Variants in COL6A6 observed in about 807,000 individuals in gnomAD.
The protein encoded by COL6A6 is collagen alpha-6(VI) chain.
A neutral mutation model predicts 208.6 loss-of-function variants in COL6A6; 183 were observed. That is an observed-to-expected ratio of 0.88 (90% CI 0.78 to 0.99). COL6A6 has a LOEUF of 0.99. COL6A6 is among the 50% of genes least tolerant of loss of function. COL6A6 has a pLI of 0.00. For synonymous variants in COL6A6, 973 were observed against 1,011.8 expected (o/e 0.96, Z 0.73); for missense variants, 2,816 against 2,815.2 (o/e 1.00, Z -0.01).
At chr3:130,518,567 C>T (rs904185642) in intron 1 of COL6A6, among the ~76,000 whole-genome samples, 1 of 152,108 alleles carries the variant, frequency 6.6e-6, no homozygotes, top group African/African-American at 2.4e-5. Context: ...GAGTGCAATG[C>T]GCCATCTCAG....
chr3:130,576,644 T>G (rs1174566966), intron 8 of COL6A6, among the ~76,000 whole-genome samples: 1 of 134,214 alleles, frequency 7.5e-6, no homozygotes, highest in Non-Finnish European at 1.6e-5. Flanking sequence ...TAATGAGTTA[T>G]TTTTTAAATA....
intron 32 of COL6A6, among the ~76,000 whole-genome samples, chr3:130,647,592 T>A (rs2065498250): frequency 6.6e-6 from 1 of 152,234 alleles, no homozygotes; most frequent in South Asian, 2.1e-4. Context: ...TTCTCACTGG[T>A]ACTTCTTTTG....
At chr3:130,569,696 A>G (rs1416871364) in intron 6 of COL6A6, among the ~76,000 whole-genome samples, 1 of 152,194 alleles carries the variant, frequency 6.6e-6, no homozygotes, top group African/African-American at 2.4e-5. Flanking sequence ...GACACTGAGT[A>G]ATGTATTCCC....
rs2063083799 is a variant in COL6A6, at chr3:130,568,432, A to G, written c.2229A>G (p.Val743=). The G allele has an allele frequency of 6.2e-7, 1 of 1,614,004 alleles. No homozygotes were observed. The highest frequency in any genetic ancestry group is 8.5e-7 in the Non-Finnish European group (1 of 1,179,882). ...EAQDIVKEPA[V]VLRQEGVIIY... ...AGGACATAGTAAAGGAACCAGCAGT[A>G]GTGCTTCGGCAAGAAGGTGTAATCA... The change falls in exon 6 of 37, where the codon GTA becomes GTG. Residue 743 remains valine, a synonymous_variant. Coordinates refer to ENST00000358511, the MANE Select transcript of COL6A6 (RefSeq NM_001102608.3).
chr3:130,590,274 T>TAC (rs1454177645), intron 12 of COL6A6, among the ~76,000 whole-genome samples: 30 of 19,720 alleles, frequency 1.5e-3, no homozygotes, highest in Non-Finnish European at 1.7e-3. Context: ...TATATATATA[T>TAC]ATATATATAT....
intron 8 of COL6A6, among the ~76,000 whole-genome samples, chr3:130,576,675 T>A (rs919078902): frequency 7.3e-6 from 1 of 137,064 alleles, no homozygotes; most frequent in Non-Finnish European, 1.6e-5. Context: ...CAAAAAAAAA[T>A]AAGAAAAATA....
Position 130,565,018 on chromosome 3 carries a change from ATGT to A in COL6A6, c.690_692del (p.Val231del). ...GCTTGCCAAGGCCCTTCTATGGCCG[ATGT>A]TGTGTTCCTATTGGATATGTCAATC... On this transcript the variant is annotated inframe_deletion, in exon 4 of 37. Coordinates refer to ENST00000358511, the MANE Select transcript of COL6A6 (RefSeq NM_001102608.3). The A allele has an allele frequency of 6.2e-7, 1 of 1,613,664 alleles. No individual in the cohort carries two copies. The highest frequency in any genetic ancestry group is 8.5e-7 in the Non-Finnish European group (1 of 1,179,642).
intron 6 of COL6A6, among the ~76,000 whole-genome samples, chr3:130,569,148 G>T (rs997448931): frequency 8.6e-5 from 13 of 151,760 alleles, no homozygotes; most frequent in African/African-American, 3.1e-4. Flanking sequence ...ATCCTCCTGG[G>T]CAAGGTGGCT....
At chr3:130,610,466 A>G (rs1296813167) in intron 22 of COL6A6, among the ~76,000 whole-genome samples, 183 bp from the exon 23 acceptor site, 5 of 152,174 alleles carry the variant, frequency 3.3e-5, no homozygotes, top group South Asian at 2.1e-4. Context: ...CAGATTGGAC[A>G]TTCATATTCC....
rs370910813 is a variant in COL6A6, at chr3:130,581,519, G to A, written c.3548-42G>A. The stretch of plus-strand genomic sequence containing the variant: ...CATGGTGTCTGAGTTAAATAAAGGC[G>A]TTTGTTGATTTATTAAGACATGCTT... On this transcript the variant is annotated intron_variant, in intron 8 of 36. Transcript: ENST00000358511. 2.3e-4 allele frequency: 322 copies of A among 1,417,644 alleles called. 1 individual carries two copies. Among genetic ancestry groups the A allele is most frequent in the Non-Finnish European group, 2.7e-4 (281 of 1,036,780 alleles). The allele number at this position is 1,417,644 out of a possible 1,614,324, so 87.8% of individuals were successfully genotyped here.
At chr3:130,628,867 A>T (rs1435088237) in intron 26 of COL6A6, among the ~76,000 whole-genome samples, 1 of 111,952 alleles carries the variant, frequency 8.9e-6, no homozygotes, top group Non-Finnish European at 1.6e-5. Flanking sequence ...TAACAACCAG[A>T]AAGGACATCT....
Position 130,568,311 on chromosome 3 carries a change from G to A in COL6A6, c.2108G>A (p.Ser703Asn), listed in dbSNP as rs1228117950. 4 of 1,614,024 alleles carry A rather than the reference G, an allele frequency of 2.5e-6. No homozygotes were observed. Among genetic ancestry groups the A allele is most frequent in the Admixed American group, 3.3e-5 (2 of 60,024 alleles). Reference protein sequence around the residue: ...AHIGQTTLTGSALSFVSQYFS... With the variant: ...AHIGQTTLTGNALSFVSQYFS... ...ATTGGACAAACCACCCTGACTGGTA[G>A]TGCCCTGAGCTTTGTGTCTCAGTAC... is the stretch of plus-strand genomic sequence containing the variant. Residue 703 changes from serine (S) to asparagine (N), a missense_variant, in exon 6 of 37, where the codon AGT (serine) becomes AAT (asparagine). By Grantham distance (46) the Ser-to-Asn change is conservative. Coordinates refer to ENST00000358511, the MANE Select transcript of COL6A6 (RefSeq NM_001102608.3).
Position 130,673,221 on chromosome 3 carries a change from A to AAAAAAAACCC in COL6A6, c.6597-1974_6597-1973insCCCAAAAAAA, listed in dbSNP as rs1553724900. ...AAACAAAAAAAACAAAAAAAACAAA[A>AAAAAAAACCC]AAAAAAAACAAAACCCAAGTGCAAA... On this transcript the variant is annotated intron_variant, in intron 36 of 36. Transcript: ENST00000358511. Among the ~76,000 whole-genome samples the AAAAAAAACCC allele has an allele frequency of 4.6e-4, 54 of 117,064 alleles. 1 individual carries two copies. Among genetic ancestry groups the AAAAAAAACCC allele is most frequent in the Middle Eastern group, 3.5e-3 (1 of 284 alleles). 76.8% of individuals were successfully genotyped at this position (117,064 alleles called of 152,430 possible).
At chr3:130,638,063 A>G (rs1405618917) in intron 28 of COL6A6, among the ~76,000 whole-genome samples, 1 of 151,924 alleles carries the variant, frequency 6.6e-6, no homozygotes, top group Non-Finnish European at 1.5e-5. Context: ...TGTCCCAGGG[A>G]AAAAAAGGAG....
At chr3:130,646,124 C>T (rs1332137937) in intron 32 of COL6A6, among the ~76,000 whole-genome samples, 1 of 151,822 alleles carries the variant, frequency 6.6e-6, no homozygotes, top group East Asian at 1.9e-4. Context: ...TGCACATGTG[C>T]CCTAAAACTT....
chr3:130,610,655 A>G lies in COL6A6; in HGVS notation c.4759A>G (p.Arg1587Gly). The G allele has an allele frequency of 6.3e-7, 1 of 1,589,226 alleles. No homozygotes were observed. The highest frequency in any genetic ancestry group is 1.3e-5 in the African/African-American group (1 of 74,624). The stretch of plus-strand genomic sequence containing the variant: ...TTTAATTCTATGTACTTAGGGCCCA[A>G]GAGGAGAGGCTGGTGTGAAAGGAGA... ...SLGLKGPQGP[R>G]GEAGVKGEKG... The change falls in exon 23 of 37, where the codon AGA becomes GGA. Residue 1587 changes from arginine (R) to glycine (G), a missense_variant. Coordinates refer to ENST00000358511, the MANE Select transcript of COL6A6 (RefSeq NM_001102608.3).
At chr3:130,626,358 C>T (rs953876856) in intron 24 of COL6A6, 127 bp from the exon 25 acceptor site, 4 of 717,458 alleles carry the variant, frequency 5.6e-6, no homozygotes, top group African/African-American at 5.2e-5. Context: ...AGCAGTTCCT[C>T]TTGTATCACT....
At chr3:130,647,633 G>GGA (rs2065499647) in intron 32 of COL6A6, among the ~76,000 whole-genome samples, 1 of 152,226 alleles carries the variant, frequency 6.6e-6, no homozygotes, top group Admixed American at 6.5e-5. Flanking sequence ...AAGGACGGGA[G>GGA]GAGGTCATAG....
In COL6A6 at chr3:130,568,449, G is replaced by T. The variant is rs373883247; in HGVS notation, c.2246G>T (p.Gly749Val). 1 of 1,613,832 alleles carries T rather than the reference G, an allele frequency of 6.2e-7. No individual in the cohort carries two copies. The highest frequency in any genetic ancestry group is 1.3e-5 in the African/African-American group (1 of 74,906). The change falls in exon 6 of 37, where the codon GGT becomes GTT. Residue 749 changes from glycine (G) to valine (V), a missense_variant. By Grantham distance (109) the Gly-to-Val change is moderately radical. Transcript: ENST00000358511. ...CCAGCAGTAGTGCTTCGGCAAGAAG[G>T]TGTAATCATCTATTCTGTGGGAGTG... The part of the protein sequence containing the change: ...KEPAVVLRQE[G>V]VIIYSVGVFG...
Sources: allele counts gnomAD v4.1 joint callset (sites outside exome capture counted in the v4.1 genomes callset), GRCh38; gene constraint gnomAD v4.1.1; transcripts MANE v1.5; gene names NCBI Gene and HGNC (gene_info 2026-07-23, HGNC 2026-07-21).